PCSK1: variants seen among roughly 807,000 people sequenced by gnomAD.
The protein encoded by PCSK1 is neuroendocrine convertase 1.
A neutral mutation model predicts 90.6 loss-of-function variants in PCSK1; 56 were observed. The observed-to-expected ratio is 0.62, with a 90% CI of 0.50 to 0.77. The LOEUF (loss-of-function observed/expected upper bound fraction) is 0.77, where lower values mean the gene tolerates loss of function less well. Ranked by LOEUF, PCSK1 falls within the 30% of genes least tolerant of loss-of-function variation. PCSK1 has a pLI of 0.00. For synonymous variants in PCSK1, 348 were observed against 342.4 expected (o/e 1.02, Z -0.18); for missense variants, 801 against 932.6 (o/e 0.86, Z 1.84).
chr5:96,393,303 G>A lies in PCSK1; in HGVS notation c.1960C>T (p.Arg654Trp), dbSNP rs200614230. 34 of 1,614,052 alleles carry A rather than the reference G, an allele frequency of 2.1e-5. No individual in the cohort carries two copies. Among genetic ancestry groups the A allele is most frequent in the South Asian group, 8.8e-5 (8 of 91,072 alleles). The change falls in exon 14 of 14, where the codon CGG becomes TGG. Residue 654 changes from arginine (R) to tryptophan (W), a missense_variant. By Grantham distance (101) the Arg-to-Trp change is moderately radical (BLOSUM62 -3). Transcript: ENST00000311106. The part of the protein sequence containing the change: ...KSPSSSSVGG[R>W]RDELEEGAPS... ...GCTCCCTCCTCCAACTCATCCCTCCGGCCCCCTACGCTGCTGCTGCTGGGG... is the reference window on the plus strand; with the variant it reads ...GCTCCCTCCTCCAACTCATCCCTCCAGCCCCCTACGCTGCTGCTGCTGGGG...
chr5:96,399,809 A>G lies in PCSK1; in HGVS notation c.1430+144T>C, dbSNP rs192560353. The G allele has an allele frequency of 5.2e-5, 36 of 691,786 alleles. No homozygotes were observed. The African/African-American group carries it at 6.2e-4, about 12-fold the overall frequency. The allele number at this position is 691,786 out of a possible 1,614,324, so 42.9% of individuals were successfully genotyped here. A position where few individuals can be genotyped will look rare whatever the true frequency, so the allele number is the denominator to read the frequency against. ...AGCTTTGGTCTCTTAGTTAGTCCCC[A>G]TGGATACCCACAGAGAACACTAGAA... On this transcript the variant is annotated intron_variant, in intron 10 of 13. Coordinates refer to ENST00000311106, the MANE Select transcript of PCSK1 (RefSeq NM_000439.5).
Position 96,391,835 on chromosome 5 carries a change from A to C in PCSK1, c.*1166T>G, listed in dbSNP as rs977513415. Reference sequence around the variant, plus strand: ...CACTCATATTTTAAAAACATTCTGCATACCAAACAAAATCTACCTGAGGGA... The same window carrying C: ...CACTCATATTTTAAAAACATTCTGCCTACCAAACAAAATCTACCTGAGGGA... On this transcript the variant is annotated 3_prime_UTR_variant, in exon 14 of 14. Coordinates refer to ENST00000311106, the MANE Select transcript of PCSK1 (RefSeq NM_000439.5). 6.6e-6 allele frequency: 1 copy of C among 152,248 alleles called. No individual in the cohort carries two copies. The highest frequency in any genetic ancestry group is 1.5e-5 in the Non-Finnish European group (1 of 68,042). 9.4% of individuals were successfully genotyped at this position (152,248 alleles called of 1,614,324 possible).
intron 3 of PCSK1, among the ~76,000 whole-genome samples, chr5:96,424,020 G>A (rs1359818741): frequency 2.0e-5 from 3 of 152,218 alleles, no homozygotes; most frequent in Non-Finnish European, 4.4e-5. Flanking sequence ...AAGTGTCTGT[G>A]AGAGGAGATT....
chr5:96,425,953 A>G lies in PCSK1; in HGVS notation c.286-23T>C, dbSNP rs2112445502. The G allele has an allele frequency of 2.1e-6, 3 of 1,418,296 alleles. No individual in the cohort carries two copies. In the South Asian group the frequency reaches 3.4e-5, roughly 16 times the overall value. 87.9% of individuals were successfully genotyped at this position (1,418,296 alleles called of 1,614,324 possible). A position where few individuals can be genotyped will look rare whatever the true frequency, so the allele number is the denominator to read the frequency against. On this transcript the variant is annotated intron_variant, in intron 2 of 13. Transcript: ENST00000311106. Reference sequence around the variant, plus strand: ...CACCTACAAGGATTTTTATAGCAAGAAAATCAAAAGTCAAATATCTACCTC... The same window carrying G: ...CACCTACAAGGATTTTTATAGCAAGGAAATCAAAAGTCAAATATCTACCTC...
intron 10 of PCSK1, 66 bp downstream of exon 10, chr5:96,399,887 T>A (rs1456214276): frequency 7.8e-7 from 1 of 1,276,392 alleles, no homozygotes; most frequent in Non-Finnish European, 1.1e-6. Flanking sequence ...TCAGGCAGAA[T>A]GGCAAACATA....
chr5:96,408,364 G>A (rs775384424), intron 8 of PCSK1, 41 bp from the exon 9 acceptor site: 19 of 1,412,070 alleles, frequency 1.3e-5, no homozygotes, highest in South Asian at 5.8e-5. Context: ...GGGAGAACAC[G>A]TGAGGAGTGT....
intron 12 of PCSK1, among the ~76,000 whole-genome samples, chr5:96,396,557 G>A (rs1456996963): frequency 8.3e-5 from 9 of 108,070 alleles, no homozygotes; most frequent in Admixed American, 3.0e-4. Flanking sequence ...GCAAGACTCC[G>A]TCTCAAAAAA....
intron 12 of PCSK1, among the ~76,000 whole-genome samples, chr5:96,396,675 C>CA (rs1307235640): frequency 3.9e-5 from 6 of 152,052 alleles, no homozygotes; most frequent in Admixed American, 3.9e-4. Flanking sequence ...TTCTCACCTA[C>CA]AGAGAATGTT....
intron 6 of PCSK1, among the ~76,000 whole-genome samples, chr5:96,413,995 C>T (rs950172550): frequency 1.4e-5 from 2 of 147,204 alleles, no homozygotes; most frequent in African/African-American, 2.5e-5. Flanking sequence ...AAAAATTAGC[C>T]GGGCGTAGTG....
intron 1 of PCSK1, among the ~76,000 whole-genome samples, chr5:96,431,126 T>A (rs1220346490): frequency 6.6e-6 from 1 of 152,202 alleles, no homozygotes; most frequent in Non-Finnish European, 1.5e-5. Flanking sequence ...AGGTCATACA[T>A]GATTTGTATG....
intron 9 of PCSK1, among the ~76,000 whole-genome samples, chr5:96,403,357 T>C (rs1760449779): frequency 6.6e-6 from 1 of 152,210 alleles, no homozygotes; most frequent in Admixed American, 6.5e-5. Context: ...GTTGGTGTGC[T>C]GCACCCGTTA....
intron 4 of PCSK1, among the ~76,000 whole-genome samples, 180 bp downstream of exon 4, chr5:96,423,133 C>T (rs112831850): frequency 3.3e-5 from 5 of 152,268 alleles, no homozygotes; most frequent in Admixed American, 1.3e-4. Flanking sequence ...TATTTCAATG[C>T]CCACTGGTAC....
At position 96,399,896 on chromosome 5, in the gene PCSK1, T is replaced by C. The variant is rs1056993290; in HGVS notation, c.1430+57A>G. ...AAAAAATCAGGCAGAATGGCAAACA[T>C]AGTAATGAAATTATGCCATGGGCAC... On this transcript the variant is annotated intron_variant, in intron 10 of 13. Transcript: ENST00000311106. 4.5e-6 allele frequency: 6 copies of C among 1,339,440 alleles called. No homozygotes were observed. In the African/African-American group the frequency reaches 5.7e-5, roughly 13 times the overall value. 83.0% of individuals were successfully genotyped at this position (1,339,440 alleles called of 1,614,324 possible). A position where few individuals can be genotyped will look rare whatever the true frequency, so the allele number is the denominator to read the frequency against.
In PCSK1 at chr5:96,433,088, A is replaced by G. The variant is rs1409703645; in HGVS notation, c.-46T>C. 6.3e-7 allele frequency: 1 copy of G among 1,583,748 alleles called. No individual in the cohort carries two copies. The highest frequency in any genetic ancestry group is 1.7e-5 in the Admixed American group (1 of 60,000). ...CAAGAGTGGGAAGGGAAGAGGAAAA[A>G]GAAGCAAGATAGGAGAAAAGCCAGA... On this transcript the variant is annotated 5_prime_UTR_variant, in exon 1 of 14. Transcript: ENST00000311106.
rs73772388 is a variant in PCSK1 at position 96,392,685 on chromosome 5, T to C, written c.*316A>G. On this transcript the variant is annotated 3_prime_UTR_variant, in exon 14 of 14. Transcript: ENST00000311106. The stretch of plus-strand genomic sequence containing the variant: ...CAGGTTTTGCCTTTTCTTTTGAGAA[T>C]TGAAATGGGCTCTAATGCAGTGTTC... 0.011 allele frequency: 2,908 copies of C among 262,476 alleles called. 87 individuals carry two copies. The highest frequency in any genetic ancestry group is 0.059 in the African/African-American group (2,667 of 45,042). 16.3% of individuals were successfully genotyped at this position (262,476 alleles called of 1,614,324 possible).
At chr5:96,421,025 T>G (rs559473815) in intron 5 of PCSK1, among the ~76,000 whole-genome samples, 234 of 152,300 alleles carry the variant, frequency 1.5e-3, no homozygotes, top group Middle Eastern at 0.014. Flanking sequence ...AAGGAAAGTT[T>G]GAGTGTCTCC....
At chr5:96,415,905 G>A (rs989163130) in intron 6 of PCSK1, 128 bp downstream of exon 6, 1 of 701,172 alleles carries the variant, frequency 1.4e-6, no homozygotes. Context: ...AAGTCCTGTA[G>A]CAACTTTGGC....
At chr5:96,421,085 G>A (rs1761112786) in intron 5 of PCSK1, among the ~76,000 whole-genome samples, 1 of 152,204 alleles carries the variant, frequency 6.6e-6, no homozygotes, top group African/African-American at 2.4e-5. Flanking sequence ...TCTCCCATGG[G>A]CATGGACACT....
At position 96,394,935 on chromosome 5, in the gene PCSK1, G is replaced by A. The variant is rs1241040026; in HGVS notation, c.1813C>T (p.Arg605Cys). The change falls in exon 13 of 14, where the codon CGT becomes TGT. Residue 605 changes from arginine (R) to cysteine (C), a missense_variant. Arg to Cys is a radical substitution (Grantham distance 180). Transcript: ENST00000311106. ...SSQPEHMKQP[R>C]VYTSYNTVQN... ...ACAGTGTTGTAGGACGTGTACACAC[G>A]AGGCTGCTTCATATGCTCTGGCTGA... 3 of 1,614,054 alleles carry A rather than the reference G, an allele frequency of 1.9e-6. No individual in the cohort carries two copies. Among genetic ancestry groups the A allele is most frequent in the East Asian group, 2.2e-5 (1 of 44,874 alleles).
Sources: allele counts gnomAD v4.1 joint callset (sites outside exome capture counted in the v4.1 genomes callset), GRCh38; gene constraint gnomAD v4.1.1; transcripts MANE v1.5; gene names NCBI Gene and HGNC (gene_info 2026-07-23, HGNC 2026-07-21).